The following DNAH17 variants were observed in gnomAD, a reference collection of about 807,000 sequenced individuals.
DNAH17 encodes the protein dynein axonemal heavy chain 17.
DNAH17 carries 376 observed loss-of-function variants against 485.6 expected under a neutral mutation model. The observed-to-expected ratio is 0.77, with a 90% CI of 0.71 to 0.84. The LOEUF is 0.84. Ranked by LOEUF, DNAH17 falls within the 40% of genes least tolerant of loss-of-function variation. The pLI is 0.00. For missense variants in DNAH17, 6,370 were observed against 5,839.3 expected, an observed-to-expected ratio of 1.09 and a Z score of -2.96; for synonymous variants, 3,031 against 2,405.9, an observed-to-expected ratio of 1.26 and a Z score of -7.60.
chr17:78,531,817 T>C (rs562419606), intron 20 of DNAH17, among the ~76,000 whole-genome samples: 1 of 152,372 alleles, frequency 6.6e-6, no homozygotes, highest in East Asian at 1.9e-4. Flanking sequence ...TCTATATCTT[T>C]TAAGTGGGGA....
At chr17:78,476,100 C>T (rs1384701912) in intron 52 of DNAH17, among the ~76,000 whole-genome samples, 1 of 152,128 alleles carries the variant, frequency 6.6e-6, no homozygotes, top group African/African-American at 2.4e-5. Context: ...ACGGGACACA[C>T]CAGCGAGGCA....
chr17:78,438,464 A>G (rs2086940747), intron 73 of DNAH17, among the ~76,000 whole-genome samples: 8 of 96,564 alleles, frequency 8.3e-5, no homozygotes, highest in South Asian at 3.7e-4. Flanking sequence ...GAGGAGGAGG[A>G]GGAGATGCTT....
intron 14 of DNAH17, among the ~76,000 whole-genome samples, chr17:78,556,472 A>T (rs905860344): frequency 4.6e-5 from 7 of 152,204 alleles, no homozygotes; most frequent in African/African-American, 1.7e-4. Context: ...TGCCGTTTAA[A>T]GTCACTCAGT....
chr17:78,484,095 CAAAAAAAAAAAAAAAAAA>C (rs11290299), intron 48 of DNAH17, among the ~76,000 whole-genome samples: 1 of 38,352 alleles, frequency 2.6e-5, no homozygotes, highest in African/African-American at 1.2e-4. Flanking sequence ...GATTTCTCCT[CAAAAAAAAAAAAAAAAAA>C]AAAAAAAAAA....
At chr17:78,495,745 G>A in intron 38 of DNAH17, 130 bp downstream of exon 38, 1 of 1,139,102 alleles carries the variant, frequency 8.8e-7, no homozygotes, top group Non-Finnish European at 1.2e-6. Context: ...GCCATCTTGG[G>A]AGCTTTTGAT....
Position 78,534,297 on chromosome 17 carries a change from C to A in DNAH17, c.2860-1561G>T, listed in dbSNP as rs78637004. 5.5e-3 allele frequency among the ~76,000 whole-genome samples: 834 copies of A among 152,300 alleles called. 6 individuals are homozygous for A. The highest frequency in any genetic ancestry group is 0.018 in the African/African-American group (744 of 41,566). ...ATGGAGATCTTGTCTGTGCAGGGGA[C>A]CTCGTTGGTAAGGGGTGGCACGAGG... is the stretch of plus-strand genomic sequence containing the variant. On this transcript the variant is annotated intron_variant, in intron 19 of 80. Coordinates refer to ENST00000389840, the MANE Select transcript of DNAH17 (RefSeq NM_173628.4).
chr17:78,502,504 G>T, intron 33 of DNAH17, 87 bp downstream of exon 33: 1 of 1,270,718 alleles, frequency 7.9e-7, no homozygotes, highest in Non-Finnish European at 1.1e-6. Flanking sequence ...GTACTCGCCC[G>T]GCAGGTTTCA....
Position 78,494,636 on chromosome 17 carries a change from G to A in DNAH17, c.6227C>T (p.Pro2076Leu), listed in dbSNP as rs201021773. The A allele has an allele frequency of 1.5e-5, 24 of 1,613,768 alleles. No individual in the cohort carries two copies. Among genetic ancestry groups the A allele is most frequent in the Middle Eastern group, 1.6e-4 (1 of 6,082 alleles). ...VFMGLIGDLF[P>L]ALDVPRKRDL... The stretch of plus-strand genomic sequence containing the variant: ...CCGTTTCCGAGGCACGTCCAGAGCC[G>A]GGAAGAGGTCCCCGATCAGTCCCAT... The change falls in exon 40 of 81, where the codon CCG (proline) becomes CTG (leucine). Residue 2076 changes from proline to leucine, a missense_variant. Physicochemically the swap from Pro to Leu is moderately conservative, Grantham distance 98. Coordinates refer to ENST00000389840, the MANE Select transcript of DNAH17 (RefSeq NM_173628.4).
In DNAH17 at chr17:78,454,658, T is replaced by G; in HGVS notation, c.10218A>C (p.Thr3406=). ...TNGLDPLSLL[T]DDADVATWNN... Reference sequence around the variant, plus strand: ...TCCAGGTGGCCACGTCCGCGTCATCTGTCAGCAGGCTCAAGGGATCCAGGC... The same window carrying G: ...TCCAGGTGGCCACGTCCGCGTCATCGGTCAGCAGGCTCAAGGGATCCAGGC... The change falls in exon 64 of 81, where the codon ACA becomes ACC. Residue 3406 remains threonine, a synonymous_variant. Transcript: ENST00000389840. The G allele has an allele frequency of 6.2e-7, 1 of 1,613,218 alleles. No individual in the cohort carries two copies. The highest frequency in any genetic ancestry group is 1.7e-5 in the Admixed American group (1 of 60,026).
chr17:78,513,086 G>A (rs1351592675), intron 26 of DNAH17, among the ~76,000 whole-genome samples: 2 of 151,482 alleles, frequency 1.3e-5, no homozygotes, highest in Admixed American at 6.6e-5. Context: ...CTAAGCCCCC[G>A]AACAAATTGA....
chr17:78,569,465 G>A lies in DNAH17; in HGVS notation c.1107C>T (p.Val369=), dbSNP rs1320798073. Reference sequence around the variant, plus strand: ...TTACAGCCAGGGAGATGCCACTCAGGACTTCCTCGATTTCACCTTGCAGGC... The same window carrying A: ...TTACAGCCAGGGAGATGCCACTCAGAACTTCCTCGATTTCACCTTGCAGGC... ...LKGLQGEIEE[V]LSGISLAVNV... is the part of the protein sequence containing the mutation. Residue 369 remains valine (V), a synonymous_variant, in exon 8 of 81, where the codon GTC becomes GTT. Coordinates refer to ENST00000389840, the MANE Select transcript of DNAH17 (RefSeq NM_173628.4). The A allele has an allele frequency of 1.9e-6, 3 of 1,611,550 alleles. No individual in the cohort carries two copies. The East Asian group carries it at 6.7e-5, about 36-fold the overall frequency.
Position 78,486,225 on chromosome 17 carries a change from T to C in DNAH17, c.7100A>G (p.Gln2367Arg), listed in dbSNP as rs1353421882. 3 of 1,588,006 alleles carry C rather than the reference T, an allele frequency of 1.9e-6. No homozygotes were observed. Among genetic ancestry groups the C allele is most frequent in the Non-Finnish European group, 2.6e-6 (3 of 1,164,772 alleles). ...GGCCGGGCCCCCCAGGTGCATCACCTGGTCCTGGAACATGGCGCCACCGAA... is the reference window on the plus strand; with the variant it reads ...GGCCGGGCCCCCCAGGTGCATCACCCGGTCCTGGAACATGGCGCCACCGAA... ...WAFGGAMFQD[Q>R]LVDYRVEFSK... Residue 2367 changes from glutamine to arginine, a missense_variant and splice_region_variant, in exon 45 of 81, where the codon CAG (glutamine) becomes CGG (arginine). Gln to Arg is a conservative substitution (Grantham distance 43). Transcript: ENST00000389840.
At position 78,568,320 on chromosome 17, in the gene DNAH17, C is replaced by A. The variant is rs181462799; in HGVS notation, c.1284+846G>T. Among the ~76,000 whole-genome samples, 3 of 152,066 alleles carry A rather than the reference C, an allele frequency of 2.0e-5. No individual in the cohort carries two copies. The South Asian group carries it at 6.2e-4, about 32-fold the overall frequency. On this transcript the variant is annotated intron_variant, in intron 9 of 80. Transcript: ENST00000389840. Reference sequence around the variant, plus strand: ...GTGACTGCAATTTTGAACTCCTGAGCGGGCCTCCCTCCCCTGCCCCCCAGG... The same window carrying A: ...GTGACTGCAATTTTGAACTCCTGAGAGGGCCTCCCTCCCCTGCCCCCCAGG...
intron 73 of DNAH17, among the ~76,000 whole-genome samples, chr17:78,438,498 T>A (rs1300001171): frequency 2.7e-5 from 3 of 110,682 alleles, no homozygotes; most frequent in African/African-American, 1.1e-4. Context: ...ACTTGTCATC[T>A]TTTTTTTTTA....
At chr17:78,447,855 G>C (rs1428950402) in intron 69 of DNAH17, among the ~76,000 whole-genome samples, 3 of 114,574 alleles carry the variant, frequency 2.6e-5, no homozygotes, top group African/African-American at 1.0e-4. Context: ...AATGTAGCAA[G>C]ACCCTGTTTC....
At chr17:78,548,984 A>G (rs1401197713) in intron 16 of DNAH17, among the ~76,000 whole-genome samples, 1 of 152,234 alleles carries the variant, frequency 6.6e-6, no homozygotes, top group African/African-American at 2.4e-5. Context: ...GGACGTGATG[A>G]GGAAAGTGAT....
chr17:78,567,812 C>A (rs1392229778), intron 9 of DNAH17, among the ~76,000 whole-genome samples: 1 of 152,186 alleles, frequency 6.6e-6, no homozygotes, highest in African/African-American at 2.4e-5. Flanking sequence ...CACGTTCAGG[C>A]CCATCCCGTT....
At position 78,426,496 on chromosome 17, in the gene DNAH17, G is replaced by T. The variant is rs1445859153; in HGVS notation, c.12876C>A (p.Gly4292=). The change falls in exon 79 of 81, where the codon GGC becomes GGA. Residue 4292 remains glycine (G), a synonymous_variant. Coordinates refer to ENST00000389840, the MANE Select transcript of DNAH17 (RefSeq NM_173628.4). ...GCAGGTCTGCGTACCAGGCCGCCAGGCCCATCATGGAGGGGTAGGCCCGGG... is the reference window on the plus strand; with the variant it reads ...GCAGGTCTGCGTACCAGGCCGCCAGTCCCATCATGGAGGGGTAGGCCCGGG... ...WVARAYPSMM[G]LAAWYADLLL... is the part of the protein sequence containing the mutation. 1 of 1,612,980 alleles carries T rather than the reference G, an allele frequency of 6.2e-7. No homozygotes were observed. The highest frequency in any genetic ancestry group is 1.7e-5 in the Admixed American group (1 of 59,844).
intron 63 of DNAH17, 67 bp from the exon 64 acceptor site, chr17:78,454,772 T>G (rs2087717382): frequency 7.3e-7 from 1 of 1,373,150 alleles, no homozygotes; most frequent in Non-Finnish European, 1.0e-6. Context: ...AAAATAGCTC[T>G]CCAAATAATG....
Sources: allele counts gnomAD v4.1 joint callset (sites outside exome capture counted in the v4.1 genomes callset), GRCh38; gene constraint gnomAD v4.1.1; transcripts MANE v1.5; gene names NCBI Gene and HGNC (gene_info 2026-07-23, HGNC 2026-07-21).